Variants in WWOX observed in about 807,000 individuals in gnomAD.
The protein encoded by WWOX is WW domain containing oxidoreductase, also known as WW domain-containing oxidoreductase.
A neutral mutation model predicts 46.2 loss-of-function variants in WWOX; 69 were observed. The ratio of observed to expected loss-of-function variants is 1.49; its 90% confidence interval spans 1.23 to 1.82. The LOEUF is 1.82. Among genes scored for constraint, WWOX ranks in the 40% most tolerant of loss-of-function variants. The probability of loss-of-function intolerance (pLI) is 0.00; values close to 1 mark genes in which losing one functional copy is unlikely to be tolerated. For missense variants in WWOX, 919 were observed against 542.6 expected (o/e 1.69, Z -6.89); for synonymous variants, 359 against 202.6 (o/e 1.77, Z -6.56).
chr16:79,127,202 A>C (rs2049777280), intron 8 of WWOX, among the ~76,000 whole-genome samples: 1 of 152,146 alleles, frequency 6.6e-6, no homozygotes, highest in South Asian at 2.1e-4. Flanking sequence ...ATATACACAC[A>C]CACACCTATG....
intron 8 of WWOX, among the ~76,000 whole-genome samples, chr16:79,060,667 A>T (rs141155228): frequency 6.6e-6 from 1 of 152,218 alleles, no homozygotes; most frequent in Non-Finnish European, 1.5e-5. Context: ...TGTAAACCCA[A>T]TTACGAGCGG....
intron 8 of WWOX, among the ~76,000 whole-genome samples, chr16:78,709,595 G>A (rs528784932): frequency 6.6e-6 from 1 of 152,268 alleles, no homozygotes; most frequent in Non-Finnish European, 1.5e-5. Flanking sequence ...GGGGTTTTCA[G>A]GTGAGCGTGC....
intron 5 of WWOX, among the ~76,000 whole-genome samples, chr16:78,192,391 CTGAG>C (rs2035910582): frequency 1.3e-5 from 2 of 148,616 alleles, no homozygotes; most frequent in Non-Finnish European, 3.0e-5. Context: ...ACTCAGGAGG[CTGAG>C]GCAGGAGAAT....
At chr16:78,897,686 G>C (rs1024266320) in intron 8 of WWOX, 2 of 152,012 alleles carry the variant, frequency 1.3e-5, no homozygotes, top group Non-Finnish European at 2.9e-5. Context: ...ATGTATTTTT[G>C]ATAAATACCT....
At chr16:78,519,705 A>G (rs972156988) in intron 8 of WWOX, among the ~76,000 whole-genome samples, 1 of 151,992 alleles carries the variant, frequency 6.6e-6, no homozygotes, top group African/African-American at 2.4e-5. Context: ...GTGCCTTTAT[A>G]AAACAGACCC....
At chr16:78,679,822 C>G (rs898135838) in intron 8 of WWOX, among the ~76,000 whole-genome samples, 17 of 152,202 alleles carry the variant, frequency 1.1e-4, no homozygotes, top group South Asian at 4.1e-4. Flanking sequence ...GAAAGAGACA[C>G]TCAGAGTCAA....
chr16:78,640,588 C>T (rs773090445), intron 8 of WWOX, among the ~76,000 whole-genome samples: 1 of 152,060 alleles, frequency 6.6e-6, no homozygotes, highest in Non-Finnish European at 1.5e-5. Flanking sequence ...CACACATTTA[C>T]CTATGTAACA....
rs577835280 is a variant in WWOX, at chr16:79,054,111, A to G, written c.1057-157497A>G. Among the ~76,000 whole-genome samples the G allele has an allele frequency of 1.8e-3, 267 of 152,268 alleles. 2 individuals are homozygous for G. Among genetic ancestry groups the G allele is most frequent in the Non-Finnish European group, 2.8e-3 (191 of 68,018 alleles). ...CTATATTCAGCACTGGCTGTATAAG[A>G]TCTTTAATGTTTTAGGCTGTCAATG... On this transcript the variant is annotated intron_variant, in intron 8 of 8. Transcript: ENST00000566780.
chr16:78,780,637 T>A (rs181935899), intron 8 of WWOX, among the ~76,000 whole-genome samples: 1 of 152,276 alleles, frequency 6.6e-6, no homozygotes, highest in East Asian at 1.9e-4. Context: ...AAGGAGGTGA[T>A]GTTTGAACTT....
rs552050001 is a variant in WWOX at position 78,255,249 on chromosome 16, A to T, written c.516+90960A>T. Among the ~76,000 whole-genome samples, 15 of 152,308 alleles carry T rather than the reference A, an allele frequency of 9.8e-5. No individual in the cohort carries two copies. In the East Asian group the frequency reaches 2.5e-3, roughly 25 times the overall value. ...AGTCAGTTTCTGGCACACTATGTTT[A>T]TGAGCTTACAGAACAGCTCCTAGGT... On this transcript the variant is annotated intron_variant, in intron 5 of 8. Coordinates refer to ENST00000566780, the MANE Select transcript of WWOX (RefSeq NM_016373.4).
intron 8 of WWOX, among the ~76,000 whole-genome samples, chr16:78,606,429 G>A (rs554994824): frequency 6.6e-6 from 1 of 151,854 alleles, no homozygotes; most frequent in South Asian, 2.1e-4. Flanking sequence ...ATGCTTTTCA[G>A]AAGTTGATGA....
chr16:78,149,102 C>T (rs994668760), intron 4 of WWOX, among the ~76,000 whole-genome samples: 2 of 152,060 alleles, frequency 1.3e-5, no homozygotes, highest in African/African-American at 2.4e-5. Flanking sequence ...AGTGATCCTC[C>T]TGCCTTGGCC....
intron 5 of WWOX, among the ~76,000 whole-genome samples, chr16:78,202,900 A>G (rs1264036876): frequency 6.6e-6 from 1 of 152,064 alleles, no homozygotes; most frequent in Non-Finnish European, 1.5e-5. Flanking sequence ...TAAATGAGCA[A>G]TTATTTTGTC....
intron 6 of WWOX, among the ~76,000 whole-genome samples, chr16:78,393,307 C>T (rs958608636): frequency 2.0e-5 from 3 of 152,116 alleles, no homozygotes; most frequent in African/African-American, 7.2e-5. Flanking sequence ...TGAACAGGGC[C>T]TAGAAGAGTT....
At chr16:78,208,784 A>C (rs542283693) in intron 5 of WWOX, among the ~76,000 whole-genome samples, 1 of 152,258 alleles carries the variant, frequency 6.6e-6, no homozygotes, top group Admixed American at 6.5e-5. Context: ...TAAATTTTGC[A>C]GTGCTGCAGA....
intron 8 of WWOX, among the ~76,000 whole-genome samples, chr16:79,010,291 A>G (rs755508760): frequency 6.6e-6 from 1 of 152,184 alleles, no homozygotes; most frequent in South Asian, 2.1e-4. Flanking sequence ...AGACACTCAC[A>G]TTAGAGAGTG....
At chr16:78,358,343 T>C (rs1243994374) in intron 5 of WWOX, among the ~76,000 whole-genome samples, 1 of 152,192 alleles carries the variant, frequency 6.6e-6, no homozygotes. Context: ...GATTGCACAG[T>C]AATAAAGTCA....
chr16:79,142,128 C>G (rs755489973), intron 8 of WWOX, among the ~76,000 whole-genome samples: 3 of 152,160 alleles, frequency 2.0e-5, no homozygotes, highest in Non-Finnish European at 4.4e-5. Context: ...ATTCTTTTCA[C>G]AGATATTTAG....
chr16:78,698,389 C>T (rs1567499222), intron 8 of WWOX, among the ~76,000 whole-genome samples: 1 of 152,314 alleles, frequency 6.6e-6, no homozygotes, highest in South Asian at 2.1e-4. Context: ...GGTTTCGCTA[C>T]ATTTTGAAAA....
Sources: allele counts gnomAD v4.1 joint callset (sites outside exome capture counted in the v4.1 genomes callset), GRCh38; gene constraint gnomAD v4.1.1; transcripts MANE v1.5; gene names NCBI Gene and HGNC (gene_info 2026-07-23, HGNC 2026-07-21).